EFNA5: variants seen among roughly 807,000 people sequenced by gnomAD.
EFNA5 encodes the protein ephrin-A5.
In EFNA5, 5 loss-of-function variants were observed where a neutral mutation model predicts 22.9. The ratio of observed to expected loss-of-function variants is 0.22; its 90% CI spans 0.11 to 0.46. EFNA5 has a LOEUF of 0.46. Ranked by LOEUF, EFNA5 falls within the 20% of genes least tolerant of loss-of-function variation. EFNA5 has a pLI of 0.99. For missense variants in EFNA5, 237 were observed against 293.3 expected, an observed-to-expected ratio of 0.81 and a Z score of 1.40; for synonymous variants, 113 against 112.2, an observed-to-expected ratio of 1.01 and a Z score of -0.04.
At chr5:107,646,371 A>C (rs575425353) in intron 1 of EFNA5, among the ~76,000 whole-genome samples, 27 of 152,192 alleles carry the variant, frequency 1.8e-4, no homozygotes, top group Admixed American at 4.6e-4. Flanking sequence ...AAAAATTTAA[A>C]GATACTATAT....
At chr5:107,608,872 C>G (rs1036035768) in intron 1 of EFNA5, among the ~76,000 whole-genome samples, 1 of 152,128 alleles carries the variant, frequency 6.6e-6, no homozygotes, top group African/African-American at 2.4e-5. Context: ...GTCCAAATAC[C>G]CAGCCAACAG....
At chr5:107,416,989 CT>C (rs1267563171) in intron 2 of EFNA5, among the ~76,000 whole-genome samples, 8 of 148,704 alleles carry the variant, frequency 5.4e-5, no homozygotes, top group South Asian at 4.4e-4. Flanking sequence ...AGAAAATGAA[CT>C]TTTAAAAATG....
At chr5:107,461,523 G>C (rs1749834989) in intron 1 of EFNA5, among the ~76,000 whole-genome samples, 1 of 152,082 alleles carries the variant, frequency 6.6e-6, no homozygotes, top group Admixed American at 6.6e-5. Flanking sequence ...GGTTGTAATT[G>C]AGGCAAGAGA....
intron 1 of EFNA5, among the ~76,000 whole-genome samples, chr5:107,655,170 G>A (rs756661426): frequency 1.3e-5 from 2 of 152,052 alleles, no homozygotes; most frequent in Non-Finnish European, 1.5e-5. Flanking sequence ...CTTTTGCCAA[G>A]AAAGTAAGCC....
chr5:107,444,453 T>C (rs947598556), intron 1 of EFNA5, among the ~76,000 whole-genome samples: 1 of 152,246 alleles, frequency 6.6e-6, no homozygotes, highest in Non-Finnish European at 1.5e-5. Flanking sequence ...TTTAAAAGTT[T>C]GCATAAGCAA....
chr5:107,517,396 C>T (rs1226811827), intron 1 of EFNA5, among the ~76,000 whole-genome samples: 2 of 152,184 alleles, frequency 1.3e-5, no homozygotes, highest in Non-Finnish European at 2.9e-5. Flanking sequence ...AGGTCGGCCA[C>T]CTACTGCTCT....
In EFNA5 at chr5:107,460,424, C is replaced by A. The variant is rs192816056; in HGVS notation, c.126-32915G>T. ...ATCCATGAGTGCAAAATGGATACAG[C>A]ACAAATTGATTCAGTAACATCACAC... On this transcript the variant is annotated intron_variant, in intron 1 of 4. Coordinates refer to ENST00000333274, the MANE Select transcript of EFNA5 (RefSeq NM_001962.3). 2.5e-3 allele frequency among the ~76,000 whole-genome samples: 386 copies of A among 152,238 alleles called. 2 individuals carry two copies. The highest frequency in any genetic ancestry group is 9.0e-3 in the African/African-American group (372 of 41,554).
intron 1 of EFNA5, among the ~76,000 whole-genome samples, chr5:107,631,424 AAC>A (rs1432648702): frequency 2.6e-5 from 4 of 151,896 alleles, no homozygotes; most frequent in Admixed American, 6.6e-5. Flanking sequence ...CATATACACA[AAC>A]ACACACAATA....
In EFNA5 at chr5:107,377,780, A is replaced by G. The variant is rs1270449321; in HGVS notation, c.*3475T>C. 1 of 152,278 alleles carries G rather than the reference A, an allele frequency of 6.6e-6. No individual in the cohort carries two copies. The highest frequency in any genetic ancestry group is 2.4e-5 in the African/African-American group (1 of 41,474). The allele number at this position is 152,278 out of a possible 1,614,324, so 9.4% of individuals were successfully genotyped here. ...TGAAAACAATCACAAACAGAAAACC[A>G]AACCAAACCAAAGTACAGAACTGTT... is the stretch of plus-strand genomic sequence containing the variant. On this transcript the variant is annotated 3_prime_UTR_variant, in exon 5 of 5. Coordinates refer to ENST00000333274, the MANE Select transcript of EFNA5 (RefSeq NM_001962.3).
chr5:107,457,866 T>C (rs1458896101), intron 1 of EFNA5, among the ~76,000 whole-genome samples: 1 of 152,174 alleles, frequency 6.6e-6, no homozygotes, highest in Non-Finnish European at 1.5e-5. Context: ...GCAGCAACTA[T>C]GTTCACTTCA....
chr5:107,609,546 T>C (rs1385755064), intron 1 of EFNA5, among the ~76,000 whole-genome samples: 1 of 152,100 alleles, frequency 6.6e-6, no homozygotes, highest in African/African-American at 2.4e-5. Flanking sequence ...GTGTACCCAA[T>C]GCTGATCCAT....
intron 1 of EFNA5, among the ~76,000 whole-genome samples, chr5:107,510,778 C>T (rs962754693): frequency 2.6e-5 from 4 of 152,058 alleles, no homozygotes; most frequent in Non-Finnish European, 5.9e-5. Flanking sequence ...TTAACACAGT[C>T]TCAAAAAAGT....
chr5:107,423,321 T>C (rs1260589059), intron 2 of EFNA5, among the ~76,000 whole-genome samples: 1 of 151,810 alleles, frequency 6.6e-6, no homozygotes, highest in African/African-American at 2.4e-5. Flanking sequence ...TAAAAATAAC[T>C]GCAAAACTTC....
rs1751136786 is a variant in EFNA5 at position 107,669,312 on chromosome 5, A to G, written c.125+1177T>C. On this transcript the variant is annotated intron_variant, in intron 1 of 4. Transcript: ENST00000333274. ...CCTCTCTCTTCCCAACTTCCACTCCAGCCCAGTGAAAAACCTGTGACTTTA... is the reference window on the plus strand; with the variant it reads ...CCTCTCTCTTCCCAACTTCCACTCCGGCCCAGTGAAAAACCTGTGACTTTA... 2.0e-5 allele frequency among the ~76,000 whole-genome samples: 3 copies of G among 151,968 alleles called. No individual in the cohort carries two copies. The South Asian group carries it at 6.2e-4, about 32-fold the overall frequency.
intron 1 of EFNA5, among the ~76,000 whole-genome samples, chr5:107,495,070 G>A (rs1746937272): frequency 6.6e-6 from 1 of 152,170 alleles, no homozygotes; most frequent in Non-Finnish European, 1.5e-5. Flanking sequence ...GGCCACATAA[G>A]AGAATAAAAG....
chr5:107,551,615 T>C (rs1251392249), intron 1 of EFNA5, among the ~76,000 whole-genome samples: 1 of 152,126 alleles, frequency 6.6e-6, no homozygotes, highest in Admixed American at 6.6e-5. Context: ...CAAGAATTTT[T>C]TCTGATCTAC....
At chr5:107,427,141 T>A (rs1382472496) in intron 2 of EFNA5, 76 bp downstream of exon 2, 1 of 1,516,270 alleles carries the variant, frequency 6.6e-7, no homozygotes, top group East Asian at 2.3e-5. Context: ...TCTCTGCAAT[T>A]CTCTGAAACA....
intron 1 of EFNA5, among the ~76,000 whole-genome samples, chr5:107,475,000 T>C (rs1750243789): frequency 6.6e-6 from 1 of 152,246 alleles, no homozygotes; most frequent in Non-Finnish European, 1.5e-5. Flanking sequence ...GGTTACTTCC[T>C]GCTTCCACAA....
At chr5:107,601,459 A>C (rs1405329741) in intron 1 of EFNA5, among the ~76,000 whole-genome samples, 2 of 152,242 alleles carry the variant, frequency 1.3e-5, no homozygotes, top group Non-Finnish European at 2.9e-5. Context: ...CTGAGAAAAC[A>C]ACCAAAATGA....
Sources: allele counts gnomAD v4.1 joint callset (sites outside exome capture counted in the v4.1 genomes callset), GRCh38; gene constraint gnomAD v4.1.1; transcripts MANE v1.5; gene names NCBI Gene and HGNC (gene_info 2026-07-23, HGNC 2026-07-21).